CNN3: variants seen among roughly 807,000 people sequenced by gnomAD.
The protein encoded by CNN3 is calponin-3.
In CNN3, 11 loss-of-function variants were observed where a neutral mutation model predicts 39.0. That is an observed-to-expected ratio of 0.28 (90% confidence interval 0.18 to 0.47). The LOEUF (loss-of-function observed/expected upper bound fraction) is 0.47, where lower values mean the gene tolerates loss of function less well. CNN3 is among the 20% of genes least tolerant of loss of function. The pLI, the probability that CNN3 is intolerant of heterozygous loss-of-function variation, is 0.99. For missense variants in CNN3, 266 were observed against 403.4 expected (o/e 0.66, Z 2.92); for synonymous variants, 101 against 138.3 (o/e 0.73, Z 1.89).
At chr1:94,906,059 T>G (rs1339102301) in intron 1 of CNN3, among the ~76,000 whole-genome samples, 1 of 152,210 alleles carries the variant, frequency 6.6e-6, no homozygotes. Flanking sequence ...CTCAGCTCAC[T>G]GCAACCTCCA....
At chr1:94,918,421 G>A (rs1269652253) in intron 1 of CNN3, among the ~76,000 whole-genome samples, 1 of 143,090 alleles carries the variant, frequency 7.0e-6, no homozygotes, top group East Asian at 2.1e-4. Flanking sequence ...TCGAACCCGA[G>A]AGGCAGAGGT....
chr1:94,900,958 G>A (rs2101717215), intron 5 of CNN3, among the ~76,000 whole-genome samples: 1 of 152,238 alleles, frequency 6.6e-6, no homozygotes, highest in Admixed American at 6.5e-5. Context: ...GGTAGCTCAT[G>A]CCTGTAATCT....
chr1:94,914,566 T>C (rs1407642066), intron 1 of CNN3, among the ~76,000 whole-genome samples: 1 of 152,144 alleles, frequency 6.6e-6, no homozygotes, highest in African/African-American at 2.4e-5. Context: ...GGACAAGGCA[T>C]GAAAGTGGGC....
In CNN3 at chr1:94,926,996, C is replaced by T. The variant is rs1385790976; in HGVS notation, c.-102G>A. The T allele has an allele frequency of 4.6e-6, 6 of 1,313,592 alleles. No individual in the cohort carries two copies. The highest frequency in any genetic ancestry group is 3.0e-5 in the African/African-American group (2 of 66,876). The allele number at this position is 1,313,592 out of a possible 1,614,324, so 81.4% of individuals were successfully genotyped here. On this transcript the variant is annotated 5_prime_UTR_variant, in exon 1 of 7. Transcript: ENST00000370206. The surrounding 1 kb of genome is among the most constrained non-coding windows in gnomAD (Gnocchi z 4.2). ...AGGAGTGGCCGCCGCGGGGGATGCT[C>T]GAACTCCCTCCTCTGGGAGGCGCAG... is the stretch of plus-strand genomic sequence containing the variant.
intron 4 of CNN3, 117 bp downstream of exon 4, chr1:94,902,004 T>C: frequency 1.1e-6 from 1 of 895,290 alleles, no homozygotes; most frequent in Non-Finnish European, 1.8e-6. Context: ...AAGCTACTAA[T>C]TACAGAAGAG....
intron 1 of CNN3, among the ~76,000 whole-genome samples, chr1:94,912,234 G>C (rs1671184385): frequency 6.6e-6 from 1 of 152,218 alleles, no homozygotes; most frequent in South Asian, 2.1e-4. Context: ...ATAGTTTATA[G>C]TGGATTTTTG....
At chr1:94,900,170 G>C (rs1670826901) in intron 5 of CNN3, among the ~76,000 whole-genome samples, 1 of 152,012 alleles carries the variant, frequency 6.6e-6, no homozygotes, top group Non-Finnish European at 1.5e-5. Flanking sequence ...TGTTCCACTG[G>C]TTAGGCACAC....
intron 1 of CNN3, among the ~76,000 whole-genome samples, chr1:94,917,502 C>CT (rs1269359980): frequency 6.6e-6 from 1 of 152,086 alleles, no homozygotes; most frequent in Non-Finnish European, 1.5e-5. Context: ...AAACAAGTTA[C>CT]TTTTTTCTTT....
At chr1:94,918,610 A>T (rs1344592638) in intron 1 of CNN3, among the ~76,000 whole-genome samples, 1 of 151,676 alleles carries the variant, frequency 6.6e-6, no homozygotes, top group Non-Finnish European at 1.5e-5. Flanking sequence ...AAAAGTTCAT[A>T]AGGCTGGGTG....
At chr1:94,916,889 T>C (rs1671299288) in intron 1 of CNN3, among the ~76,000 whole-genome samples, 1 of 152,248 alleles carries the variant, frequency 6.6e-6, no homozygotes. Flanking sequence ...CTTCCATCTA[T>C]GCTTTGCTGG....
chr1:94,904,328 C>A (rs1670943523), intron 1 of CNN3, among the ~76,000 whole-genome samples: 1 of 144,244 alleles, frequency 6.9e-6, no homozygotes, highest in South Asian at 2.2e-4. Context: ...TAAGACCAGA[C>A]CTCAATTTAA....
intron 1 of CNN3, among the ~76,000 whole-genome samples, chr1:94,921,549 G>C (rs1671444540): frequency 6.6e-6 from 1 of 152,152 alleles, no homozygotes; most frequent in Non-Finnish European, 1.5e-5. Flanking sequence ...CTGTTAAAGA[G>C]GGAAAGGAGG....
Position 94,903,401 on chromosome 1 carries a change from A to G in CNN3, c.179+2T>C. 1 of 1,584,702 alleles carries G rather than the reference A, an allele frequency of 6.3e-7. No individual in the cohort carries two copies. The highest frequency in any genetic ancestry group is 8.6e-7 in the Non-Finnish European group (1 of 1,167,556). On this transcript the variant is annotated splice_donor_variant, in intron 2 of 6. Coordinates refer to ENST00000370206, the MANE Select transcript of CNN3 (RefSeq NM_001839.5). LOFTEE classifies it high-confidence loss of function. ...AACAGATTCTGGAGGGCTGTAACTCACTCGCAGAGGATGATGCCATCCTTT... is the reference window on the plus strand; with the variant it reads ...AACAGATTCTGGAGGGCTGTAACTCGCTCGCAGAGGATGATGCCATCCTTT...
chr1:94,904,757 G>A (rs1670953396), intron 1 of CNN3, among the ~76,000 whole-genome samples: 2 of 132,874 alleles, frequency 1.5e-5, no homozygotes, highest in Non-Finnish European at 3.1e-5. Flanking sequence ...CCGCCCCACT[G>A]CCAAAAAAAA....
intron 1 of CNN3, among the ~76,000 whole-genome samples, chr1:94,914,291 A>C (rs1252119757): frequency 6.6e-6 from 1 of 152,182 alleles, no homozygotes; most frequent in Non-Finnish European, 1.5e-5. Flanking sequence ...TAGTTTCAGA[A>C]TGTACACTCA....
At chr1:94,901,219 T>A (rs1670854732) in intron 5 of CNN3, among the ~76,000 whole-genome samples, 1 of 151,956 alleles carries the variant, frequency 6.6e-6, no homozygotes, top group African/African-American at 2.4e-5. Flanking sequence ...CCGGGCATGG[T>A]GGCTCATTCC....
At chr1:94,902,408 C>T in intron 3 of CNN3, 150 bp from the exon 4 acceptor site, 1 of 636,868 alleles carries the variant, frequency 1.6e-6, no homozygotes, top group Non-Finnish European at 2.7e-6. Flanking sequence ...GCATGGCTCT[C>T]TCTGGAACAG....
rs1188703454 is a variant in CNN3 at position 94,897,524 on chromosome 1, T to C, written c.*218A>G. ...TCCTTTTTACTTCATATGCGAGTTA[T>C]TGATTATGCTGTAGGATTTAACTAT... On this transcript the variant is annotated 3_prime_UTR_variant, in exon 7 of 7. Coordinates refer to ENST00000370206, the MANE Select transcript of CNN3 (RefSeq NM_001839.5). The C allele has an allele frequency of 2.0e-6, 1 of 502,636 alleles. No individual in the cohort carries two copies. The highest frequency in any genetic ancestry group is 3.5e-6 in the Non-Finnish European group (1 of 283,554). The allele number at this position is 502,636 out of a possible 1,614,324, so 31.1% of individuals were successfully genotyped here. A position where few individuals can be genotyped will look rare whatever the true frequency, so the allele number is the denominator to read the frequency against.
chr1:94,925,986 A>G (rs1424273619), intron 1 of CNN3, among the ~76,000 whole-genome samples: 1 of 152,152 alleles, frequency 6.6e-6, no homozygotes, highest in Non-Finnish European at 1.5e-5. Context: ...AAAAGTCCTA[A>G]AGATAAACCT....
Sources: allele counts gnomAD v4.1 joint callset (sites outside exome capture counted in the v4.1 genomes callset), GRCh38; gene constraint gnomAD v4.1.1; non-coding constraint Gnocchi (gnomAD v3.1); transcripts MANE v1.5; gene names NCBI Gene and HGNC (gene_info 2026-07-23, HGNC 2026-07-21).